Variants in GCH1 observed in about 807,000 individuals in gnomAD.
GCH1 encodes GTP cyclohydrolase I.
Under a neutral mutation model 25.9 loss-of-function variants are expected in GCH1, and 5 were observed. The observed-to-expected ratio is 0.19, with a 90% CI of 0.10 to 0.41. The LOEUF is 0.41. Among genes scored for constraint, GCH1 ranks in the 10% least tolerant of loss-of-function variants. The pLI is 1.00. For synonymous variants in GCH1, 159 were observed against 129.6 expected (o/e 1.23, Z -1.54); for missense variants, 261 against 336.5 (o/e 0.78, Z 1.75).
intron 1 of GCH1, among the ~76,000 whole-genome samples, chr14:54,876,726 A>G (rs906825446): frequency 1.3e-4 from 20 of 152,116 alleles, no homozygotes; most frequent in Admixed American, 8.5e-4. Flanking sequence ...CTTTTGTGTA[A>G]TGAAAGTGGA....
intron 1 of GCH1, among the ~76,000 whole-genome samples, chr14:54,866,946 C>T (rs758843730): frequency 5.9e-5 from 9 of 152,270 alleles, no homozygotes; most frequent in Non-Finnish European, 1.3e-4. Context: ...TTTCTTCTAC[C>T]ACAGCACTTT....
At chr14:54,900,404 G>A (rs1267991063) in intron 1 of GCH1, among the ~76,000 whole-genome samples, 1 of 150,784 alleles carries the variant, frequency 6.6e-6, no homozygotes, top group East Asian at 2.0e-4. Context: ...TAGAGACGGG[G>A]TTTCGCCATG....
chr14:54,864,598 T>C (rs2039964946), intron 2 of GCH1, among the ~76,000 whole-genome samples: 2 of 152,242 alleles, frequency 1.3e-5, no homozygotes, highest in Admixed American at 1.3e-4. Context: ...CATTTGGTTA[T>C]ACCTCTTAAG....
chr14:54,881,821 T>C (rs561230382), intron 1 of GCH1, among the ~76,000 whole-genome samples: 3 of 152,348 alleles, frequency 2.0e-5, no homozygotes, highest in South Asian at 2.1e-4. Context: ...ATGTTGCTCT[T>C]AGCTATTAAA....
chr14:54,896,687 C>T (rs189903862), intron 1 of GCH1, among the ~76,000 whole-genome samples: 4,589 of 151,132 alleles, frequency 0.03, 222 homozygotes, highest in African/African-American at 0.11. Flanking sequence ...CCGAGGCGGG[C>T]GGATCACAAA....
At chr14:54,854,874 C>G (rs1213005022) in intron 3 of GCH1, among the ~76,000 whole-genome samples, 1 of 152,212 alleles carries the variant, frequency 6.6e-6, no homozygotes, top group Non-Finnish European at 1.5e-5. Context: ...TACACCACCC[C>G]TTACCTATGT....
intron 2 of GCH1, among the ~76,000 whole-genome samples, chr14:54,863,637 GA>G (rs2039948669): frequency 6.6e-6 from 1 of 151,444 alleles, no homozygotes; most frequent in Admixed American, 6.6e-5. Context: ...TGACATCAAT[GA>G]ATCCGACTAT....
chr14:54,891,349 G>A (rs900648808), intron 1 of GCH1, among the ~76,000 whole-genome samples: 10 of 149,738 alleles, frequency 6.7e-5, no homozygotes, highest in African/African-American at 1.7e-4. Context: ...CAAATGATAC[G>A]CCCTCCTTGG....
At chr14:54,895,319 G>T (rs1274124472) in intron 1 of GCH1, among the ~76,000 whole-genome samples, 2 of 152,164 alleles carry the variant, frequency 1.3e-5, no homozygotes, top group African/African-American at 4.8e-5. Context: ...TTATATGCAT[G>T]CTTCCCAAAA....
chr14:54,884,861 G>T (rs67620272), intron 1 of GCH1: 1 of 152,976 alleles, frequency 6.5e-6, no homozygotes, highest in African/African-American at 2.4e-5. Context: ...CAGTTGCTTG[G>T]AGATTTTGTA....
intron 3 of GCH1, among the ~76,000 whole-genome samples, chr14:54,847,476 G>T (rs1329960230): frequency 6.6e-6 from 1 of 152,140 alleles, no homozygotes; most frequent in Non-Finnish European, 1.5e-5. Flanking sequence ...AGAAATATAT[G>T]AAAAGGCAAG....
At chr14:54,848,360 C>A (rs565876066) in intron 3 of GCH1, among the ~76,000 whole-genome samples, 4 of 152,268 alleles carry the variant, frequency 2.6e-5, no homozygotes, top group South Asian at 4.1e-4. Flanking sequence ...TGGTCTCGAA[C>A]TTCTGACCTC....
intron 3 of GCH1, among the ~76,000 whole-genome samples, chr14:54,847,927 TAA>T (rs748769642): frequency 1.3e-5 from 2 of 152,068 alleles, no homozygotes; most frequent in Non-Finnish European, 2.9e-5. Flanking sequence ...AAGTTAAAAA[TAA>T]AAAGACTTTG....
At chr14:54,857,586 A>G (rs940349219) in intron 3 of GCH1, among the ~76,000 whole-genome samples, 2 of 152,270 alleles carry the variant, frequency 1.3e-5, no homozygotes, top group African/African-American at 2.4e-5. Flanking sequence ...TCTTGCTGAC[A>G]GGGAGGCCCA....
rs2039586750 is a variant in GCH1, at chr14:54,843,189, A to C, written c.*828T>G. 6 of 1,468,916 alleles carry C rather than the reference A, an allele frequency of 4.1e-6. No individual in the cohort carries two copies. Among genetic ancestry groups the C allele is most frequent in the South Asian group, 1.4e-5 (1 of 69,120 alleles). 91.0% of individuals were successfully genotyped at this position (1,468,916 alleles called of 1,614,324 possible). A position where few individuals can be genotyped will look rare whatever the true frequency, so the allele number is the denominator to read the frequency against. ...ACAAAGGAAACTCAATAAACCTATA[A>C]AGTTAAAACTGAGCTGACTAGTTAT... On this transcript the variant is annotated 3_prime_UTR_variant, in exon 6 of 6. Coordinates refer to ENST00000491895, the MANE Select transcript of GCH1 (RefSeq NM_000161.3).
intron 1 of GCH1, among the ~76,000 whole-genome samples, chr14:54,867,053 C>G (rs1461776324): frequency 6.6e-6 from 1 of 152,070 alleles, no homozygotes; most frequent in Non-Finnish European, 1.5e-5. Context: ...GGATTTCTCC[C>G]CAAGATTTTA....
intron 2 of GCH1, among the ~76,000 whole-genome samples, chr14:54,863,145 T>A (rs576068917): frequency 4.6e-5 from 7 of 151,790 alleles, no homozygotes; most frequent in Non-Finnish European, 1.0e-4. Context: ...TAGGGCCAGG[T>A]GCGGTGGCTC....
chr14:54,857,209 T>C (rs918308978), intron 3 of GCH1, among the ~76,000 whole-genome samples: 1 of 152,226 alleles, frequency 6.6e-6, no homozygotes, highest in African/African-American at 2.4e-5. Flanking sequence ...TTAATCCTAT[T>C]AGTCTAAGGA....
At chr14:54,863,202 G>C (rs183457709) in intron 2 of GCH1, among the ~76,000 whole-genome samples, 3 of 151,846 alleles carry the variant, frequency 2.0e-5, no homozygotes, top group African/African-American at 7.3e-5. Context: ...GGCGGATCAC[G>C]AGGTCAGGAG....
Sources: gnomAD v4.1 joint callset for allele counts (sites outside exome capture counted in the v4.1 genomes callset) on GRCh38, gnomAD v4.1.1 for gene constraint, MANE v1.5 for transcripts, NCBI Gene and HGNC (gene_info 2026-07-23, HGNC 2026-07-21) for gene names.